The following USP10 variants were observed in gnomAD, a reference collection of about 807,000 sequenced individuals.
The protein encoded by USP10 is ubiquitin carboxyl-terminal hydrolase 10.
Under a neutral mutation model 84.5 loss-of-function variants are expected in USP10, and 22 were observed. That is an observed-to-expected ratio of 0.26 (90% confidence interval 0.19 to 0.37). The LOEUF is 0.37. USP10 is among the 10% of genes least tolerant of loss of function. The probability of loss-of-function intolerance (pLI) is 1.00; values close to 1 mark genes in which losing one functional copy is unlikely to be tolerated. For missense variants in USP10, 1,019 were observed against 998.9 expected, an observed-to-expected ratio of 1.02 and a Z score of -0.27; for synonymous variants, 454 against 387.6, an observed-to-expected ratio of 1.17 and a Z score of -2.01.
At chr16:84,770,214 T>A (rs968275399) in intron 11 of USP10, among the ~76,000 whole-genome samples, 1 of 152,190 alleles carries the variant, frequency 6.6e-6, no homozygotes, top group Non-Finnish European at 1.5e-5. Flanking sequence ...TGGTGGTGTG[T>A]TACCAGATGA....
rs75523541 is a variant in USP10 at position 84,710,800 on chromosome 16, G to A, written c.21+10689G>A. 2.4e-3 allele frequency among the ~76,000 whole-genome samples: 368 copies of A among 152,314 alleles called. 1 individual carries two copies. The highest frequency in any genetic ancestry group is 4.0e-3 in the Non-Finnish European group (271 of 68,024). ...ACCCTGGGTGCCACCAAGAGACACT[G>A]AGTAAGGATCCCTGTGAGCAGGTCC... On this transcript the variant is annotated intron_variant, in intron 1 of 13. Coordinates refer to ENST00000219473, the MANE Select transcript of USP10 (RefSeq NM_005153.3).
chr16:84,749,624 A>AT (rs1379761879), intron 4 of USP10, among the ~76,000 whole-genome samples: 1 of 151,952 alleles, frequency 6.6e-6, no homozygotes, highest in Non-Finnish European at 1.5e-5. Context: ...TAATTTGTGT[A>AT]TTTTTTATCT....
At position 84,759,353 on chromosome 16, in the gene USP10, C is replaced by G; in HGVS notation, c.1285-10C>G. 1 of 1,612,876 alleles carries G rather than the reference C, an allele frequency of 6.2e-7. No homozygotes were observed. The highest frequency in any genetic ancestry group is 8.5e-7 in the Non-Finnish European group (1 of 1,178,908). On this transcript the variant is annotated splice_polypyrimidine_tract_variant and intron_variant, in intron 5 of 13. Coordinates refer to ENST00000219473, the MANE Select transcript of USP10 (RefSeq NM_005153.3). The stretch of plus-strand genomic sequence containing the variant: ...CATTTCCTTTACGCTTCCTTACTGC[C>G]ACTACATAGACACTGCAGGCATTGG...
chr16:84,751,370 T>G (rs1224909995), intron 4 of USP10, among the ~76,000 whole-genome samples: 1 of 152,228 alleles, frequency 6.6e-6, no homozygotes, highest in African/African-American at 2.4e-5. Context: ...ATGCATATAT[T>G]TCCCCCCGCT....
intron 2 of USP10, among the ~76,000 whole-genome samples, chr16:84,739,434 G>A (rs1597340854): frequency 1.3e-5 from 2 of 152,198 alleles, no homozygotes; most frequent in African/African-American, 4.8e-5. Context: ...ACCACGCCCA[G>A]CTGATTTTTT....
At chr16:84,718,992 AT>A (rs1907428438) in intron 1 of USP10, among the ~76,000 whole-genome samples, 1 of 151,854 alleles carries the variant, frequency 6.6e-6, no homozygotes, top group African/African-American at 2.4e-5. Context: ...GGGTTTCACT[AT>A]GTAGGTCAAG....
intron 3 of USP10, among the ~76,000 whole-genome samples, chr16:84,744,106 A>T (rs867590056): frequency 1.6e-4 from 24 of 151,410 alleles, no homozygotes; most frequent in Middle Eastern, 6.8e-3. Flanking sequence ...TTGTTTTTAA[A>T]TTTATACTTT....
At position 84,720,576 on chromosome 16, in the gene USP10, A is replaced by ATTTTTTTTTTTTTT. The variant is rs10699847; in HGVS notation, c.22-12849_22-12836dup. Among the ~76,000 whole-genome samples, 185 of 88,342 alleles carry ATTTTTTTTTTTTTT rather than the reference A, an allele frequency of 2.1e-3. 20 individuals are homozygous for ATTTTTTTTTTTTTT. The highest frequency in any genetic ancestry group is 6.1e-3 in the South Asian group (11 of 1,806). The allele number at this position is 88,342 out of a possible 152,430, so 58.0% of individuals were successfully genotyped here. A position where few individuals can be genotyped will look rare whatever the true frequency, so the allele number is the denominator to read the frequency against. ...ATGCAGAATAAAAAGATGATGCCCAATTTTTTTTTTTTTTTTTTTTTTTGA... is the reference window on the plus strand; with the variant it reads ...ATGCAGAATAAAAAGATGATGCCCAATTTTTTTTTTTTTTTTTTTTTTTTTTTTTTTTTTTTTGA... On this transcript the variant is annotated intron_variant, in intron 1 of 13. Transcript: ENST00000219473.
In USP10 at chr16:84,701,833, A is replaced by G. The variant is rs375380113; in HGVS notation, c.21+1722A>G. The stretch of plus-strand genomic sequence containing the variant: ...AAGTTGGCGGAACGTAAATGTTAGC[A>G]ACACTTTGGGTTTATTCTTTTAAAG... On this transcript the variant is annotated intron_variant, in intron 1 of 13. Transcript: ENST00000219473. 2.0e-5 allele frequency among the ~76,000 whole-genome samples: 3 copies of G among 152,306 alleles called. No homozygotes were observed. In the East Asian group the frequency reaches 5.8e-4, roughly 29 times the overall value.
intron 1 of USP10, among the ~76,000 whole-genome samples, chr16:84,722,408 A>G (rs1907928822): frequency 6.6e-6 from 1 of 152,188 alleles, no homozygotes; most frequent in South Asian, 2.1e-4. Context: ...GTCTGTGTGG[A>G]CATAGGTTTT....
chr16:84,771,495 T>TA (rs1914446016), intron 11 of USP10, among the ~76,000 whole-genome samples: 1 of 151,910 alleles, frequency 6.6e-6, no homozygotes, highest in African/African-American at 2.4e-5. Context: ...GATCCTGTCT[T>TA]AAAAAAACAA....
chr16:84,715,681 C>G (rs1175704654), intron 1 of USP10, among the ~76,000 whole-genome samples: 1 of 152,104 alleles, frequency 6.6e-6, no homozygotes, highest in Non-Finnish European at 1.5e-5. Context: ...AGCTTTCTAA[C>G]TGGCTTACAC....
chr16:84,763,943 C>A, intron 9 of USP10, 143 bp from the exon 10 acceptor site: 1 of 1,036,020 alleles, frequency 9.7e-7, no homozygotes, highest in Non-Finnish European at 1.4e-6. Context: ...TGACGTTGCT[C>A]CTGTTGCGAT....
chr16:84,757,561 C>T (rs1337980261), intron 4 of USP10, among the ~76,000 whole-genome samples: 1 of 152,012 alleles, frequency 6.6e-6, no homozygotes, highest in Non-Finnish European at 1.5e-5. Context: ...TAGATGGATG[C>T]TACTATCAAA....
At chr16:84,738,570 T>C (rs1490859433) in intron 2 of USP10, among the ~76,000 whole-genome samples, 2 of 152,196 alleles carry the variant, frequency 1.3e-5, no homozygotes, top group African/African-American at 4.8e-5. Flanking sequence ...GAATGGTCTT[T>C]GCCTTGCGGG....
At chr16:84,737,838 C>T (rs1245862987) in intron 2 of USP10, among the ~76,000 whole-genome samples, 1 of 152,230 alleles carries the variant, frequency 6.6e-6, no homozygotes, top group Non-Finnish European at 1.5e-5. Context: ...CCCTGAGTGC[C>T]CAGTCAGTGC....
At chr16:84,770,765 C>G (rs1419963620) in intron 11 of USP10, among the ~76,000 whole-genome samples, 3 of 84,196 alleles carry the variant, frequency 3.6e-5, no homozygotes, top group African/African-American at 4.1e-5. Flanking sequence ...GAGCGAGACT[C>G]CGTCCCCAAA....
At chr16:84,757,689 TTATATGATTAG>T (rs1344703250) in intron 4 of USP10, among the ~76,000 whole-genome samples, 2 of 152,166 alleles carry the variant, frequency 1.3e-5, no homozygotes, top group African/African-American at 4.8e-5. Context: ...TATTTGTGGG[TTATATGATTAG>T]TATACAATTT....
chr16:84,779,096 T>C lies in USP10; in HGVS notation c.*14T>C. On this transcript the variant is annotated 3_prime_UTR_variant, in exon 14 of 14. Transcript: ENST00000219473. ...GACCTGCTGTAAACCCTGTGTGCGC[T>C]GTGTGTGCGCCCAGTGCCCGCTTCG... The C allele has an allele frequency of 6.2e-7, 1 of 1,607,528 alleles. No homozygotes were observed. The highest frequency in any genetic ancestry group is 8.5e-7 in the Non-Finnish European group (1 of 1,174,836).
Sources: gnomAD v4.1 joint callset for allele counts (sites outside exome capture counted in the v4.1 genomes callset) on GRCh38, gnomAD v4.1.1 for gene constraint, MANE v1.5 for transcripts, NCBI Gene and HGNC (gene_info 2026-07-23, HGNC 2026-07-21) for gene names.